The following DNAH8 variants were observed in gnomAD, a reference collection of about 807,000 sequenced individuals.
The protein encoded by DNAH8 is axonemal beta dynein heavy chain 8.
DNAH8 carries 382 observed loss-of-function variants against 562.1 expected under a neutral mutation model. That is an observed-to-expected ratio of 0.68 (90% CI 0.63 to 0.74). DNAH8 has a LOEUF of 0.74. Ranked by LOEUF, DNAH8 falls within the 30% of genes least tolerant of loss-of-function variation. The pLI is 0.00. For missense variants in DNAH8, 5,203 were observed against 5,620.4 expected (o/e 0.93, Z 2.37); for synonymous variants, 1,881 against 1,919.4 (o/e 0.98, Z 0.52).
At chr6:39,003,713 CTATA>C (rs1261449431) in intron 88 of DNAH8, among the ~76,000 whole-genome samples, 9 of 152,014 alleles carry the variant, frequency 5.9e-5, no homozygotes, top group Admixed American at 1.3e-4. Context: ...TTTTTATTGG[CTATA>C]TAGATTTTTA....
chr6:38,874,078 T>TTCTTTCTTTCTTTCTTTC (rs1561797505), intron 52 of DNAH8, among the ~76,000 whole-genome samples: 1 of 63,672 alleles, frequency 1.6e-5, no homozygotes, highest in African/African-American at 4.7e-5. Context: ...TTTTCTTTCT[T>TTCTTTCTTTCTTTCTTTC]TCTTTCTTTC....
intron 58 of DNAH8, among the ~76,000 whole-genome samples, 153 bp from the exon 59 acceptor site, chr6:38,894,548 C>G (rs1285527379): frequency 6.6e-6 from 1 of 152,110 alleles, no homozygotes; most frequent in East Asian, 1.9e-4. Context: ...TGATTTTTTT[C>G]TGTCCGTGTT....
At chr6:38,973,938 A>G (rs1763508315) in intron 84 of DNAH8, 125 bp downstream of exon 84, 3 of 608,720 alleles carry the variant, frequency 4.9e-6, no homozygotes, top group Non-Finnish European at 8.3e-6. Flanking sequence ...AAGATCTTAT[A>G]CTATAATACT....
intron 75 of DNAH8, 46 bp downstream of exon 75, chr6:38,929,712 AAAAG>A (rs899155404): frequency 2.8e-6 from 4 of 1,416,088 alleles, no homozygotes; most frequent in Non-Finnish European, 2.8e-6. Context: ...AAAGAAAAGA[AAAAG>A]AAAAAAAGAA....
chr6:38,940,643 C>T lies in DNAH8; in HGVS notation c.12007+1655C>T, dbSNP rs112992030. Among the ~76,000 whole-genome samples the T allele has an allele frequency of 7.8e-3, 1,193 of 152,276 alleles. 10 individuals carry two copies. Among genetic ancestry groups the T allele is most frequent in the African/African-American group, 0.025 (1,052 of 41,554 alleles). ...GCACTGGCTCTTAAAAGTTACCCCA[C>T]AAGTGACACATGTCACTTACGCTCC... On this transcript the variant is annotated intron_variant, in intron 79 of 92. Transcript: ENST00000327475.
chr6:39,003,094 C>A (rs931403139), intron 88 of DNAH8, among the ~76,000 whole-genome samples: 2 of 152,208 alleles, frequency 1.3e-5, no homozygotes, highest in Admixed American at 6.5e-5. Context: ...CCCCACCACA[C>A]GCAGCTTTTT....
In DNAH8 at chr6:38,874,164, T is replaced by TTCTCTCTTTCTTTCTTTCTC. The variant is rs1777768564; in HGVS notation, c.7620+804_7620+823dup. On this transcript the variant is annotated intron_variant, in intron 52 of 92. Coordinates refer to ENST00000327475, the MANE Select transcript of DNAH8 (RefSeq NM_001206927.2). ...CTCTTTCTCCTTCCTTCCTTCCTCC[T>TTCTCTCTTTCTTTCTTTCTC]TCTCTCTTTCTTTCTTTCTCTCTCT... Among the ~76,000 whole-genome samples, 4 of 113,668 alleles carry TTCTCTCTTTCTTTCTTTCTC rather than the reference T, an allele frequency of 3.5e-5. 1 individual carries two copies. Among genetic ancestry groups the TTCTCTCTTTCTTTCTTTCTC allele is most frequent in the African/African-American group, 6.1e-5 (2 of 32,844 alleles). The allele number at this position is 113,668 out of a possible 152,430, so 74.6% of individuals were successfully genotyped here. A position where few individuals can be genotyped will look rare whatever the true frequency, so the allele number is the denominator to read the frequency against.
chr6:38,722,078 CT>C (rs1762797232), intron 1 of DNAH8, among the ~76,000 whole-genome samples: 1 of 152,186 alleles, frequency 6.6e-6, no homozygotes, highest in African/African-American at 2.4e-5. Flanking sequence ...TGGTTATGTG[CT>C]CATAACTTCT....
chr6:38,872,900 T>G lies in DNAH8; in HGVS notation c.7238-6T>G. 6.2e-7 allele frequency: 1 copy of G among 1,611,054 alleles called. No individual in the cohort carries two copies. Among genetic ancestry groups the G allele is most frequent in the Non-Finnish European group, 8.5e-7 (1 of 1,179,070 alleles). ...AAAAGTGATTTTCTGTTTTAATTAT[T>G]TTCAGGTGAAAACATTTTCCTCATT... On this transcript the variant is annotated splice_region_variant and splice_polypyrimidine_tract_variant and intron_variant, in intron 50 of 92. Transcript: ENST00000327475.
chr6:38,715,339 C>A lies in DNAH8; in HGVS notation c.-111C>A, dbSNP rs901796523. ...CCGGGCCGCGGAGGCCGGAGCAGCT[C>A]CCCCGGGGCAGCGCAACCGCTGGGG... On this transcript the variant is annotated 5_prime_UTR_variant, in exon 1 of 93. Transcript: ENST00000327475. 1 of 152,294 alleles carries A rather than the reference C, an allele frequency of 6.6e-6. No homozygotes were observed. The highest frequency in any genetic ancestry group is 1.5e-5 in the Non-Finnish European group (1 of 68,126). The allele number at this position is 152,294 out of a possible 1,614,324, so 9.4% of individuals were successfully genotyped here.
intron 56 of DNAH8, among the ~76,000 whole-genome samples, chr6:38,885,244 C>T (rs1038002471): frequency 6.6e-6 from 1 of 152,162 alleles, no homozygotes; most frequent in African/African-American, 2.4e-5. Flanking sequence ...CCTCCAACAC[C>T]TGCTCCTCCA....
At chr6:38,850,199 T>G (rs1775632149) in intron 37 of DNAH8, 52 bp from the exon 38 acceptor site, 1 of 1,570,016 alleles carries the variant, frequency 6.4e-7, no homozygotes, top group Non-Finnish European at 8.7e-7. Context: ...AGACTTTGCT[T>G]TTTTTCAATT....
chr6:38,939,929 A>C (rs1241914907), intron 79 of DNAH8, among the ~76,000 whole-genome samples: 1 of 152,206 alleles, frequency 6.6e-6, no homozygotes, highest in African/African-American at 2.4e-5. Flanking sequence ...AGTGGAGAAC[A>C]TCTAAGTTGT....
intron 11 of DNAH8, among the ~76,000 whole-genome samples, chr6:38,766,238 T>A (rs1007263202): frequency 6.6e-6 from 1 of 152,154 alleles, no homozygotes; most frequent in Non-Finnish European, 1.5e-5. Context: ...ACAACATGGC[T>A]GAACTTTATT....
intron 87 of DNAH8, among the ~76,000 whole-genome samples, chr6:38,987,967 T>C (rs1175389737): frequency 2.0e-5 from 3 of 152,166 alleles, no homozygotes; most frequent in African/African-American, 7.2e-5. Flanking sequence ...TGCCTTCACC[T>C]GTTTGATCTC....
chr6:39,008,527 A>T (rs1478453918), intron 88 of DNAH8, among the ~76,000 whole-genome samples: 2 of 152,084 alleles, frequency 1.3e-5, no homozygotes, highest in Non-Finnish European at 2.9e-5. Context: ...GCTACAACCA[A>T]GATGGTGAAG....
At position 38,937,441 on chromosome 6, in the gene DNAH8, C is replaced by T. The variant is rs1179403131; in HGVS notation, c.11564-533C>T. ...ACATTTTCACTATACCCAATTTGCTCTTGTTAGAGACAGAGGGATTAGAGT... is the reference window on the plus strand; with the variant it reads ...ACATTTTCACTATACCCAATTTGCTTTTGTTAGAGACAGAGGGATTAGAGT... On this transcript the variant is annotated intron_variant, in intron 77 of 92. Transcript: ENST00000327475. Among the ~76,000 whole-genome samples the T allele has an allele frequency of 2.6e-5, 4 of 152,222 alleles. No homozygotes were observed. In the East Asian group the frequency reaches 7.7e-4, roughly 29 times the overall value.
chr6:38,786,593 G>A (rs965595307), intron 17 of DNAH8, among the ~76,000 whole-genome samples, 172 bp from the exon 18 acceptor site: 3 of 152,146 alleles, frequency 2.0e-5, no homozygotes, highest in Admixed American at 6.5e-5. Flanking sequence ...ATTTATCTTA[G>A]TTTTGAGTAT....
intron 91 of DNAH8, among the ~76,000 whole-genome samples, chr6:39,016,060 C>T (rs942461179): frequency 6.6e-6 from 1 of 152,204 alleles, no homozygotes. Context: ...TACAGCTACT[C>T]CATACATGTT....
Sources: allele counts gnomAD v4.1 joint callset (sites outside exome capture counted in the v4.1 genomes callset), GRCh38; gene constraint gnomAD v4.1.1; transcripts MANE v1.5; gene names NCBI Gene and HGNC (gene_info 2026-07-23, HGNC 2026-07-21).